The following SNX29 variants were observed in gnomAD, a reference collection of about 807,000 sequenced individuals.
SNX29 encodes the protein sorting nexin 29.
SNX29 carries 78 observed loss-of-function variants against 102.1 expected under a neutral mutation model. That is an observed-to-expected ratio of 0.76 (90% CI 0.64 to 0.92). The LOEUF (loss-of-function observed/expected upper bound fraction) is 0.92. SNX29 is among the 40% of genes least tolerant of loss of function. The pLI is 0.00. For missense variants in SNX29, 1,280 were observed against 1,061.7 expected (o/e 1.21, Z -2.86); for synonymous variants, 580 against 414.5 (o/e 1.40, Z -4.85).
At position 12,548,493 on chromosome 16, in the gene SNX29, G is replaced by A. The variant is rs67635827; in HGVS notation, c.2319-20013G>A. ...ACCGGGCTTTCAGGATGACTAGTCA[G>A]GGTTGTCTTGTCTGGACCAGATGCT... On this transcript the variant is annotated intron_variant, in intron 20 of 20. Coordinates refer to ENST00000566228, the MANE Select transcript of SNX29 (RefSeq NM_032167.5). Among the ~76,000 whole-genome samples, 733 of 152,274 alleles carry A rather than the reference G, an allele frequency of 4.8e-3. 2 individuals carry two copies. The highest frequency in any genetic ancestry group is 0.017 in the African/African-American group (704 of 41,560).
intron 14 of SNX29, among the ~76,000 whole-genome samples, chr16:12,276,592 G>C (rs2079259375): frequency 6.6e-6 from 1 of 152,146 alleles, no homozygotes. Context: ...GCATCCAAGG[G>C]ATTTCTTGTC....
chr16:12,175,269 T>A (rs1472834751), intron 13 of SNX29, among the ~76,000 whole-genome samples: 1 of 152,114 alleles, frequency 6.6e-6, no homozygotes, highest in Non-Finnish European at 1.5e-5. Flanking sequence ...CCCGAATATA[T>A]ATGTTAAGCC....
intron 18 of SNX29, among the ~76,000 whole-genome samples, chr16:12,443,996 C>T (rs1219406365): frequency 6.6e-6 from 1 of 151,890 alleles, no homozygotes; most frequent in Non-Finnish European, 1.5e-5. Flanking sequence ...ATGTAGTAAA[C>T]ACTCAGTATA....
intron 13 of SNX29, among the ~76,000 whole-genome samples, chr16:12,130,547 A>G (rs1446357469): frequency 1.3e-5 from 2 of 151,548 alleles, no homozygotes; most frequent in African/African-American, 4.9e-5. Flanking sequence ...AACTTATTTC[A>G]TTGAGTAAAT....
chr16:12,245,077 G>GC (rs527658178), intron 14 of SNX29, among the ~76,000 whole-genome samples: 4 of 152,014 alleles, frequency 2.6e-5, no homozygotes, highest in Admixed American at 6.6e-5. Context: ...TTGATTCCCC[G>GC]CCCCCCTAAC....
At chr16:12,471,810 G>T (rs898730157) in intron 18 of SNX29, among the ~76,000 whole-genome samples, 2 of 152,228 alleles carry the variant, frequency 1.3e-5, no homozygotes, top group Admixed American at 6.5e-5. Context: ...CCACTGCCCA[G>T]ATATAGATCC....
intron 15 of SNX29, among the ~76,000 whole-genome samples, chr16:12,291,866 A>G (rs2079808205): frequency 6.6e-6 from 1 of 152,232 alleles, no homozygotes; most frequent in South Asian, 2.1e-4. Context: ...CAGTGCATGA[A>G]TGAATGGATG....
intron 11 of SNX29, among the ~76,000 whole-genome samples, chr16:12,115,176 G>T (rs2053645468): frequency 6.6e-6 from 1 of 152,038 alleles, no homozygotes; most frequent in East Asian, 1.9e-4. Context: ...CTCCCCCTCC[G>T]TTGCTTTTTC....
At chr16:12,381,406 T>C (rs932056215) in intron 16 of SNX29, among the ~76,000 whole-genome samples, 77 of 10,754 alleles carry the variant, frequency 7.2e-3, no homozygotes, top group Non-Finnish European at 8.2e-3. Context: ...ATCCATCCAC[T>C]CACCCACCCA....
intron 16 of SNX29, among the ~76,000 whole-genome samples, chr16:12,358,396 C>T (rs1293629825): frequency 6.6e-6 from 1 of 152,058 alleles, no homozygotes; most frequent in East Asian, 1.9e-4. Flanking sequence ...ATGGTGAAAC[C>T]CCGTCTCTAC....
At chr16:12,208,657 G>C (rs1020710642) in intron 14 of SNX29, among the ~76,000 whole-genome samples, 1 of 152,036 alleles carries the variant, frequency 6.6e-6, no homozygotes, top group Non-Finnish European at 1.5e-5. Context: ...GGATGACGGA[G>C]CAAGAGGTCG....
chr16:12,440,428 C>A (rs1416863810), intron 18 of SNX29, among the ~76,000 whole-genome samples: 1 of 152,112 alleles, frequency 6.6e-6, no homozygotes, highest in African/African-American at 2.4e-5. Context: ...AGCCAGTAAT[C>A]GACTTTCTTT....
At chr16:12,331,355 T>G (rs1339541822) in intron 15 of SNX29, among the ~76,000 whole-genome samples, 2 of 152,238 alleles carry the variant, frequency 1.3e-5, no homozygotes, top group Admixed American at 6.5e-5. Context: ...ACAGAAGCTG[T>G]CTAAACTTTG....
At chr16:12,560,134 C>A (rs2078636180) in intron 20 of SNX29, among the ~76,000 whole-genome samples, 1 of 101,194 alleles carries the variant, frequency 9.9e-6, no homozygotes, top group South Asian at 3.9e-4. Context: ...CTGTGTTCCC[C>A]TCCCCCCCCC....
chr16:12,282,758 C>T (rs868075723), intron 15 of SNX29, among the ~76,000 whole-genome samples: 14 of 152,306 alleles, frequency 9.2e-5, no homozygotes, highest in Admixed American at 2.6e-4. Flanking sequence ...CAGGTTCAAG[C>T]GATTCTTCTG....
intron 19 of SNX29, among the ~76,000 whole-genome samples, chr16:12,502,499 AC>A (rs1202465572): frequency 1.3e-5 from 2 of 151,620 alleles, no homozygotes; most frequent in Non-Finnish European, 2.9e-5. Flanking sequence ...TTTGAATGCC[AC>A]CCCCCAACTC....
chr16:12,007,737 C>T (rs188703269), intron 3 of SNX29, among the ~76,000 whole-genome samples: 1 of 152,262 alleles, frequency 6.6e-6, no homozygotes, highest in East Asian at 1.9e-4. Flanking sequence ...TTAGGCTCTT[C>T]CCATTCGTTC....
chr16:12,216,138 A>C (rs541441562), intron 14 of SNX29, among the ~76,000 whole-genome samples: 1 of 152,382 alleles, frequency 6.6e-6, no homozygotes, highest in Non-Finnish European at 1.5e-5. Context: ...TTAAAAACCC[A>C]AAATTATATT....
chr16:12,539,089 C>T (rs1420339975), intron 20 of SNX29, among the ~76,000 whole-genome samples: 2 of 152,158 alleles, frequency 1.3e-5, no homozygotes, highest in East Asian at 3.8e-4. Context: ...TAATAGATTG[C>T]CCAGAGTCCT....
Sources: gnomAD v4.1 joint callset for allele counts (sites outside exome capture counted in the v4.1 genomes callset) on GRCh38, gnomAD v4.1.1 for gene constraint, MANE v1.5 for transcripts, NCBI Gene and HGNC (gene_info 2026-07-23, HGNC 2026-07-21) for gene names.